Variants in RBM19 observed in about 807,000 individuals in gnomAD.
The protein encoded by RBM19 is probable RNA-binding protein 19.
A neutral mutation model predicts 116.8 loss-of-function variants in RBM19; 94 were observed. The observed-to-expected ratio is 0.80, with a 90% confidence interval of 0.68 to 0.95. The LOEUF is 0.95. Among genes scored for constraint, RBM19 ranks in the 40% least tolerant of loss-of-function variants. The probability of loss-of-function intolerance (pLI) is 0.00; values close to 1 mark genes in which losing one functional copy is unlikely to be tolerated. For synonymous variants in RBM19, 475 were observed against 494.1 expected (o/e 0.96, Z 0.51); for missense variants, 1,161 against 1,220.7 (o/e 0.95, Z 0.73).
At chr12:113,963,657 G>GA (rs1452354306) in intron 1 of RBM19, among the ~76,000 whole-genome samples, 1 of 152,162 alleles carries the variant, frequency 6.6e-6, no homozygotes, top group Non-Finnish European at 1.5e-5. Context: ...ATAAGACAGT[G>GA]AATTCAATTC....
chr12:113,861,589 A>G (rs1878397723), intron 21 of RBM19, among the ~76,000 whole-genome samples: 1 of 151,722 alleles, frequency 6.6e-6, no homozygotes, highest in Non-Finnish European at 1.5e-5. Context: ...AGAGAGAAAG[A>G]GACTGTTGGG....
rs1319936788 is a variant in RBM19, at chr12:113,948,893, C to T, written c.1216G>A (p.Val406Ile). 3.7e-6 allele frequency: 6 copies of T among 1,614,216 alleles called. No homozygotes were observed. Among genetic ancestry groups the T allele is most frequent in the South Asian group, 2.2e-5 (2 of 91,086 alleles). ...GTGCTGGTGTAGGGCAGGTTCCGTA[C>T]AAAGAGCCTTCCGGATTCGGCCAGG... is the stretch of plus-strand genomic sequence containing the variant. ...EDLAESGRLF[V>I]RNLPYTSTEE... is the part of the protein sequence containing the mutation. The change falls in exon 10 of 24, where the codon GTA (valine) becomes ATA (isoleucine). Residue 406 changes from valine (V) to isoleucine (I), a missense_variant. Transcript: ENST00000261741.
intron 21 of RBM19, among the ~76,000 whole-genome samples, chr12:113,864,287 C>A (rs1449095413): frequency 2.6e-5 from 4 of 152,162 alleles, no homozygotes; most frequent in Non-Finnish European, 4.4e-5. Flanking sequence ...ATTAACCTTG[C>A]CCTCACCTTG....
Position 113,825,428 on chromosome 12 carries a change from A to G in RBM19, c.2786-2107T>C, listed in dbSNP as rs1874775298. Among the ~76,000 whole-genome samples, 1 of 152,190 alleles carries G rather than the reference A, an allele frequency of 6.6e-6. No individual in the cohort carries two copies. Among genetic ancestry groups the G allele is most frequent in the South Asian group, 2.1e-4 (1 of 4,832 alleles). On this transcript the variant is annotated intron_variant, in intron 23 of 23. Coordinates refer to ENST00000261741, the MANE Select transcript of RBM19 (RefSeq NM_016196.4). The surrounding 1 kb of genome is among the most constrained non-coding windows in gnomAD (Gnocchi z 5.7). ...TCCTAGACACTCTTGGTTTCCTTAT[A>G]ATCGCCAGCCCTGGAGGTGCACAAT...
At position 113,843,991 on chromosome 12, in the gene RBM19, C is replaced by T. The variant is rs112073630; in HGVS notation, c.2785+677G>A. On this transcript the variant is annotated intron_variant, in intron 23 of 23. Coordinates refer to ENST00000261741, the MANE Select transcript of RBM19 (RefSeq NM_016196.4). ...AGATGTCACCTCTGCAGTGAAGCCT[C>T]TCTAGCCCACCTGATGAGGAATGTG... Among the ~76,000 whole-genome samples, 866 of 152,354 alleles carry T rather than the reference C, an allele frequency of 5.7e-3. 9 individuals are homozygous for T. The highest frequency in any genetic ancestry group is 0.019 in the African/African-American group (804 of 41,586).
intron 21 of RBM19, among the ~76,000 whole-genome samples, chr12:113,906,646 C>T (rs143030398): frequency 3.5e-4 from 53 of 152,080 alleles, no homozygotes; most frequent in African/African-American, 1.0e-3. Context: ...GGTCCTGCCT[C>T]GTCGGGGCTC....
chr12:113,829,907 G>C (rs1254777815), intron 23 of RBM19, among the ~76,000 whole-genome samples: 1 of 152,218 alleles, frequency 6.6e-6, no homozygotes, highest in Non-Finnish European at 1.5e-5. Context: ...AGGCCAAGGG[G>C]CGAGCTGCAG....
intron 23 of RBM19, among the ~76,000 whole-genome samples, chr12:113,827,523 G>C (rs1474518184): frequency 6.8e-6 from 1 of 146,980 alleles, no homozygotes; most frequent in Admixed American, 6.7e-5. Flanking sequence ...AGGGCGGGGG[G>C]GCGGGGGGGT....
intron 22 of RBM19, among the ~76,000 whole-genome samples, chr12:113,847,408 T>A (rs1211846329): frequency 6.6e-6 from 1 of 152,142 alleles, no homozygotes; most frequent in Non-Finnish European, 1.5e-5. Flanking sequence ...TTTTTTTCCA[T>A]GTGGATATAA....
downstream of RBM19, among the ~76,000 whole-genome samples, chr12:113,818,762 A>G (rs1311372205): frequency 6.6e-6 from 1 of 152,178 alleles, no homozygotes; most frequent in African/African-American, 2.4e-5. Flanking sequence ...CTTTGGAGTC[A>G]GGGCCTGTGC....
chr12:113,954,816 C>A (rs1048727105), intron 7 of RBM19, among the ~76,000 whole-genome samples: 2 of 152,148 alleles, frequency 1.3e-5, no homozygotes, highest in African/African-American at 4.8e-5. Context: ...ACAACAGAGA[C>A]CGTGTTGATC....
chr12:113,906,881 G>A (rs911206118), intron 21 of RBM19, among the ~76,000 whole-genome samples: 2 of 152,110 alleles, frequency 1.3e-5, no homozygotes, highest in South Asian at 2.1e-4. Context: ...GGATTAGTGT[G>A]GGTCCTCGAT....
At chr12:113,947,562 A>C in intron 10 of RBM19, 98 bp from the exon 11 acceptor site, 5 of 1,326,110 alleles carry the variant, frequency 3.8e-6, no homozygotes, top group Non-Finnish European at 4.1e-6. Context: ...CTCACAGGTC[A>C]TGGGTGTCAT....
chr12:113,860,444 G>C (rs1039311616), intron 21 of RBM19, among the ~76,000 whole-genome samples: 8 of 152,228 alleles, frequency 5.3e-5, no homozygotes, highest in African/African-American at 9.6e-5. Flanking sequence ...TTGTAAGCTC[G>C]TTCAGATGAA....
rs1231855718 is a variant in RBM19, at chr12:113,948,881, G to A, written c.1228C>T (p.Pro410Ser). The change falls in exon 10 of 24, where the codon CCC (proline) becomes TCC (serine). Residue 410 changes from proline to serine, a missense_variant. Pro to Ser is a moderately conservative substitution (Grantham distance 74). Transcript: ENST00000261741. Reference protein sequence around the residue: ...ESGRLFVRNLPYTSTEEDLEK... With the variant: ...ESGRLFVRNLSYTSTEEDLEK... ...AGATCCTCCTCGGTGCTGGTGTAGG[G>A]CAGGTTCCGTACAAAGAGCCTTCCG... 10 of 1,614,072 alleles carry A rather than the reference G, an allele frequency of 6.2e-6. No homozygotes were observed. The highest frequency in any genetic ancestry group is 8.5e-6 in the Non-Finnish European group (10 of 1,180,028).
intron 1 of RBM19, among the ~76,000 whole-genome samples, chr12:113,965,222 G>A (rs375032805): frequency 5.3e-5 from 8 of 150,532 alleles, no homozygotes; most frequent in South Asian, 2.1e-4. Context: ...GCAGTGAGCC[G>A]AGACTGCCGA....
chr12:113,900,180 G>T (rs751449120), intron 21 of RBM19, among the ~76,000 whole-genome samples: 1 of 152,154 alleles, frequency 6.6e-6, no homozygotes, highest in Non-Finnish European at 1.5e-5. Flanking sequence ...GAAAACAACG[G>T]CAAGAAAACC....
rs1361527044 is a variant in RBM19 at position 113,942,514 on chromosome 12, A to T, written c.1627-80T>A. On this transcript the variant is annotated intron_variant, in intron 13 of 23. Coordinates refer to ENST00000261741, the MANE Select transcript of RBM19 (RefSeq NM_016196.4). ...GCCCTCCCATCTCCCAACAGCCTGA[A>T]GAGGAGGCTGGGATGGAAATGGATT... The T allele has an allele frequency of 2.8e-5, 33 of 1,183,690 alleles. No individual in the cohort carries two copies. In the South Asian group the frequency reaches 4.4e-4, roughly 16 times the overall value. The allele number at this position is 1,183,690 out of a possible 1,614,324, so 73.3% of individuals were successfully genotyped here. A position where few individuals can be genotyped will look rare whatever the true frequency, so the allele number is the denominator to read the frequency against.
intron 23 of RBM19, among the ~76,000 whole-genome samples, chr12:113,824,841 G>A (rs1874721417): frequency 6.6e-6 from 1 of 151,870 alleles, no homozygotes; most frequent in Non-Finnish European, 1.5e-5. Context: ...GTACCTCTCA[G>A]CCCCTCACTA....
Sources: gnomAD v4.1 joint callset for allele counts (sites outside exome capture counted in the v4.1 genomes callset) on GRCh38, gnomAD v4.1.1 for gene constraint, Gnocchi (gnomAD v3.1) non-coding constraint, MANE v1.5 for transcripts, NCBI Gene and HGNC (gene_info 2026-07-23, HGNC 2026-07-21) for gene names.